Variants in CELA2B observed in about 807,000 individuals in gnomAD.
CELA2B encodes chymotrypsin-like elastase family member 2B.
A neutral mutation model predicts 36.5 loss-of-function variants in CELA2B; 27 were observed. That is an observed-to-expected ratio of 0.74 (90% CI 0.55 to 1.02). CELA2B has a LOEUF of 1.02. Ranked by LOEUF, CELA2B falls within the 50% of genes least tolerant of loss-of-function variation. The pLI, the probability that CELA2B is intolerant of heterozygous loss-of-function variation, is 0.00. For missense variants in CELA2B, 340 were observed against 347.8 expected (o/e 0.98, Z 0.18); for synonymous variants, 143 against 148.5 (o/e 0.96, Z 0.27).
rs1167777022 is a variant in CELA2B at position 15,487,418 on chromosome 1, A to G, written c.773A>G (p.Tyr258Cys). ...KPSIFTRVSNYNDWINSVIAN... is the reference protein window; with the variant it reads ...KPSIFTRVSNCNDWINSVIAN... ...TCCATCTTCACGCGGGTCTCCAACT[A>G]CAACGACTGGATCAATTCGGTAAGA... is the stretch of plus-strand genomic sequence containing the variant. Residue 258 changes from tyrosine to cysteine, a missense_variant, in exon 7 of 8, where the codon TAC becomes TGC. Coordinates refer to ENST00000375910, the MANE Select transcript of CELA2B (RefSeq NM_015849.3). 2.5e-6 allele frequency: 4 copies of G among 1,614,106 alleles called. No homozygotes were observed. The highest frequency in any genetic ancestry group is 1.6e-4 in the Middle Eastern group (1 of 6,078).
chr1:15,486,130 A>G, intron 6 of CELA2B, 84 bp downstream of exon 6: 2 of 1,529,294 alleles, frequency 1.3e-6, no homozygotes, highest in South Asian at 2.5e-5. Context: ...ATCCCTCCAT[A>G]GGTCCATCCT....
chr1:15,482,485 C>T, intron 4 of CELA2B, 92 bp downstream of exon 4: 1 of 1,544,776 alleles, frequency 6.5e-7, no homozygotes, highest in Non-Finnish European at 8.9e-7. Context: ...CACCACACCC[C>T]CTCTGCTTTT....
chr1:15,480,857 A>G (rs1708730905), intron 2 of CELA2B, among the ~76,000 whole-genome samples: 1 of 151,770 alleles, frequency 6.6e-6, no homozygotes, highest in African/African-American at 2.4e-5. Context: ...TGGCCTCCCA[A>G]AGTGTTCTGA....
chr1:15,476,212 G>A (rs762317283), intron 1 of CELA2B, 47 bp downstream of exon 1: 23 of 1,612,526 alleles, frequency 1.4e-5, no homozygotes, highest in Non-Finnish European at 1.9e-5. Context: ...CCCTGGTGGG[G>A]CTGGAAATGG....
chr1:15,476,981 C>CA (rs201527984), intron 2 of CELA2B, among the ~76,000 whole-genome samples: 2,357 of 151,604 alleles, frequency 0.016, 62 homozygotes, highest in African/African-American at 0.053. Flanking sequence ...GACTCCATCT[C>CA]AAAAAAAAGA....
intron 2 of CELA2B, 41 bp from the exon 3 acceptor site, chr1:15,481,057 T>C (rs767588738): frequency 1.9e-6 from 3 of 1,610,598 alleles, no homozygotes; most frequent in Admixed American, 1.7e-5. Context: ...AGGGAGGCCC[T>C]GCTTTTTCAG....
At chr1:15,486,916 C>A (rs1570812024) in intron 6 of CELA2B, among the ~76,000 whole-genome samples, 1 of 152,340 alleles carries the variant, frequency 6.6e-6, no homozygotes, top group Non-Finnish European at 1.5e-5. Context: ...TGGGGAAGAG[C>A]CTGGCAGCTG....
At chr1:15,479,979 T>C (rs1708720301) in intron 2 of CELA2B, among the ~76,000 whole-genome samples, 2 of 152,208 alleles carry the variant, frequency 1.3e-5, no homozygotes, top group South Asian at 4.1e-4. Flanking sequence ...TCAGACAGTT[T>C]TAAGTTTTGC....
chr1:15,486,141 C>T, intron 6 of CELA2B, 95 bp downstream of exon 6: 1 of 1,482,624 alleles, frequency 6.7e-7, no homozygotes, highest in Non-Finnish European at 9.1e-7. Context: ...GGTCCATCCT[C>T]CGACCTCCTG....
chr1:15,480,252 C>A (rs190011121), intron 2 of CELA2B, among the ~76,000 whole-genome samples: 39 of 152,274 alleles, frequency 2.6e-4, no homozygotes, highest in African/African-American at 9.1e-4. Context: ...CTCACTCTGT[C>A]ACCCAGGCTG....
At position 15,485,981 on chromosome 1, in the gene CELA2B, T is replaced by G. The variant is rs778460448; in HGVS notation, c.574T>G (p.Trp192Gly). The change falls in exon 6 of 8, where the codon TGG (tryptophan) becomes GGG (glycine). Residue 192 changes from tryptophan (W) to glycine (G), a missense_variant. Coordinates refer to ENST00000375910, the MANE Select transcript of CELA2B (RefSeq NM_015849.3). Reference sequence around the variant, plus strand: ...TGCCACCTGCTCCAGCTCTGGCTGGTGGGGCAGCACCGTGAAGACGAATAT... The same window carrying G: ...TGCCACCTGCTCCAGCTCTGGCTGGGGGGGCAGCACCGTGAAGACGAATAT... Reference protein sequence around the residue: ...DYATCSSSGWWGSTVKTNMIC... With the variant: ...DYATCSSSGWGGSTVKTNMIC... 6.2e-7 allele frequency: 1 copy of G among 1,614,070 alleles called. No individual in the cohort carries two copies. Among genetic ancestry groups the G allele is most frequent in the Admixed American group, 1.7e-5 (1 of 59,990 alleles).
intron 7 of CELA2B, among the ~76,000 whole-genome samples, chr1:15,487,672 G>T (rs983822529): frequency 6.6e-6 from 1 of 152,226 alleles, no homozygotes; most frequent in Non-Finnish European, 1.5e-5. Flanking sequence ...GTCCAAAGAC[G>T]TTGGACACTC....
intron 2 of CELA2B, among the ~76,000 whole-genome samples, chr1:15,477,193 C>T (rs1708684081): frequency 6.6e-6 from 1 of 152,200 alleles, no homozygotes; most frequent in Non-Finnish European, 1.5e-5. Flanking sequence ...GCAAATATTC[C>T]TTGCTTTAAG....
In CELA2B at chr1:15,481,111, A is replaced by G. The variant is rs369728005; in HGVS notation, c.143A>G (p.Tyr48Cys). 1 of 1,612,454 alleles carries G rather than the reference A, an allele frequency of 6.2e-7. No individual in the cohort carries two copies. Among genetic ancestry groups the G allele is most frequent in the African/African-American group, 1.3e-5 (1 of 74,816 alleles). The part of the protein sequence containing the change: ...NSWPWQVSLQ[Y>C]SSNGQWYHTC... Reference sequence around the variant, plus strand: ...GTTTCTCCCCAGGTCTCCCTGCAGTACAGCTCCAATGGCCAGTGGTACCAC... The same window carrying G: ...GTTTCTCCCCAGGTCTCCCTGCAGTGCAGCTCCAATGGCCAGTGGTACCAC... The change falls in exon 3 of 8, where the codon TAC (tyrosine) becomes TGC (cysteine). Residue 48 changes from tyrosine to cysteine, a missense_variant. Transcript: ENST00000375910.
chr1:15,483,699 G>A (rs1050239894), intron 5 of CELA2B, among the ~76,000 whole-genome samples: 1 of 152,188 alleles, frequency 6.6e-6, no homozygotes, highest in African/African-American at 2.4e-5. Flanking sequence ...AGGCCGAGAC[G>A]AGCAGATCAC....
In CELA2B at chr1:15,482,294, G is replaced by A. The variant is rs368356642; in HGVS notation, c.257G>A (p.Gly86Asp). 1 of 1,614,032 alleles carries A rather than the reference G, an allele frequency of 6.2e-7. No individual in the cohort carries two copies. Among genetic ancestry groups the A allele is most frequent in the Non-Finnish European group, 8.5e-7 (1 of 1,179,974 alleles). Residue 86 changes from glycine (G) to aspartate (D), a missense_variant, in exon 4 of 8, where the codon GGC becomes GAC. By Grantham distance (94) the Gly-to-Asp change is moderately conservative. Transcript: ENST00000375910. Reference protein sequence around the residue: ...SSSGIYRVMLGQHNLYVAESG... With the variant: ...SSSGIYRVMLDQHNLYVAESG... ...TCCGGGATCTACCGCGTGATGCTGG[G>A]CCAGCATAACCTCTACGTTGCAGAG...
chr1:15,487,678 C>T (rs1708822495), intron 7 of CELA2B, among the ~76,000 whole-genome samples: 1 of 152,212 alleles, frequency 6.6e-6, no homozygotes, highest in Non-Finnish European at 1.5e-5. Flanking sequence ...AGACGTTGGA[C>T]ACTCCTCAGG....
intron 4 of CELA2B, 23 bp downstream of exon 4, chr1:15,482,416 T>G (rs756168301): frequency 6.2e-7 from 1 of 1,613,568 alleles, no homozygotes; most frequent in African/African-American, 1.3e-5. Flanking sequence ...CTGGGTGCAC[T>G]TGGGGGTGAG....
chr1:15,487,940 C>T (rs952187491), intron 7 of CELA2B, among the ~76,000 whole-genome samples: 1 of 151,350 alleles, frequency 6.6e-6, no homozygotes, highest in African/African-American at 2.4e-5. Context: ...TCCTGTTTTA[C>T]ACTGGGACCA....
Sources: allele counts gnomAD v4.1 joint callset (sites outside exome capture counted in the v4.1 genomes callset), GRCh38; gene constraint gnomAD v4.1.1; transcripts MANE v1.5; gene names NCBI Gene and HGNC (gene_info 2026-07-23, HGNC 2026-07-21).